The following WNT2B variants were observed in gnomAD, a reference collection of about 807,000 sequenced individuals.
WNT2B encodes Wnt family member 2B, also known as protein Wnt-2b.
WNT2B carries 19 observed loss-of-function variants against 40.5 expected under a neutral mutation model. The ratio of observed to expected loss-of-function variants is 0.47; its 90% CI spans 0.33 to 0.69. WNT2B has a LOEUF of 0.69. Among genes scored for constraint, WNT2B ranks in the 30% least tolerant of loss-of-function variants. WNT2B has a pLI of 0.02. For synonymous variants in WNT2B, 220 were observed against 211.9 expected, an observed-to-expected ratio of 1.04 and a Z score of -0.33; for missense variants, 467 against 556.4, an observed-to-expected ratio of 0.84 and a Z score of 1.62.
rs1010451076 is a variant in WNT2B at position 112,509,305 on chromosome 1, C to A, written c.43C>A (p.Leu15Ile). 1 of 1,559,476 alleles carries A rather than the reference C, an allele frequency of 6.4e-7. No homozygotes were observed. Among genetic ancestry groups the A allele is most frequent in the Admixed American group, 1.9e-5 (1 of 52,720 alleles). The change falls in exon 1 of 5, where the codon CTT becomes ATT. Residue 15 changes from leucine to isoleucine, a missense_variant. Leu to Ile is a conservative substitution (Grantham distance 5). Coordinates refer to ENST00000369684, the MANE Select transcript of WNT2B (RefSeq NM_024494.3). This position sits in a 1 kb window ranked among gnomAD's most constrained non-coding sequence, Gnocchi z 4.2. ...TGCGGAGGAAGCTGCGCAGCTCCCG[C>A]TTCGGCGCGCCAGCGCCCCGGTCCC... ...GGAEEAAQLP[L>I]RRASAPVPVP...
intron 1 of WNT2B, among the ~76,000 whole-genome samples, chr1:112,485,688 G>C (rs1651394244): frequency 1.3e-5 from 2 of 152,074 alleles, no homozygotes; most frequent in African/African-American, 4.8e-5. Flanking sequence ...CAAAAACTAA[G>C]CTTTGATCCA....
chr1:112,505,791 C>T (rs1412987338), upstream of WNT2B, among the ~76,000 whole-genome samples: 3 of 152,168 alleles, frequency 2.0e-5, no homozygotes, highest in Non-Finnish European at 2.9e-5. Flanking sequence ...GGATTCCTCC[C>T]GGGGAACTGG....
intron 1 of WNT2B, among the ~76,000 whole-genome samples, chr1:112,483,130 C>A (rs1651280021): frequency 1.3e-5 from 2 of 150,842 alleles, no homozygotes; most frequent in South Asian, 4.2e-4. Context: ...CTGCAGTGTG[C>A]TATGATTGCA....
chr1:112,469,185 CATCCTG>C (rs1330885087), intron 1 of WNT2B, among the ~76,000 whole-genome samples: 2 of 152,116 alleles, frequency 1.3e-5, no homozygotes, highest in Non-Finnish European at 2.9e-5. Context: ...ATACCAATAC[CATCCTG>C]ATTTGGTTAC....
chr1:112,499,888 T>G (rs1233274522), intron 1 of WNT2B, among the ~76,000 whole-genome samples: 1 of 136,790 alleles, frequency 7.3e-6, no homozygotes, highest in Admixed American at 7.6e-5. Flanking sequence ...CAGGAGTAAC[T>G]GTCTCATTGC....
At chr1:112,480,777 G>C (rs541699888) in intron 1 of WNT2B, among the ~76,000 whole-genome samples, 12 of 152,218 alleles carry the variant, frequency 7.9e-5, no homozygotes, top group Admixed American at 6.5e-4. Flanking sequence ...AAGATACTCC[G>C]AGAAAAGAAA....
At chr1:112,467,612 C>T (rs1479646579) in intron 1 of WNT2B, 4 of 778,832 alleles carry the variant, frequency 5.1e-6, no homozygotes, top group Non-Finnish European at 9.6e-6. Flanking sequence ...TGAAGCACTA[C>T]TTTATTTAAT....
At chr1:112,501,480 G>C (rs1387335745) in intron 1 of WNT2B, among the ~76,000 whole-genome samples, 1 of 152,168 alleles carries the variant, frequency 6.6e-6, no homozygotes, top group African/African-American at 2.4e-5. Flanking sequence ...TTCTGTATAG[G>C]AAATTTGTCT....
chr1:112,482,759 C>T (rs1377927622), intron 1 of WNT2B, among the ~76,000 whole-genome samples: 1 of 152,002 alleles, frequency 6.6e-6, no homozygotes, highest in African/African-American at 2.4e-5. Context: ...GACTTGTACA[C>T]TAAAATTATA....
chr1:112,513,263 T>C (rs1008865409), intron 1 of WNT2B, among the ~76,000 whole-genome samples: 1 of 152,214 alleles, frequency 6.6e-6, no homozygotes, highest in African/African-American at 2.4e-5. Context: ...TGGGTGTAAC[T>C]CTGGGCTGTG....
intron 1 of WNT2B, among the ~76,000 whole-genome samples, chr1:112,484,122 T>A (rs1651321890): frequency 8.4e-6 from 1 of 119,576 alleles, no homozygotes; most frequent in Non-Finnish European, 1.9e-5. Context: ...TAATTTTATA[T>A]AATAATTTTA....
At chr1:112,491,817 G>GGAATT (rs1651613682) in intron 1 of WNT2B, among the ~76,000 whole-genome samples, 1 of 152,124 alleles carries the variant, frequency 6.6e-6, no homozygotes, top group African/African-American at 2.4e-5. Flanking sequence ...CTTGAGCCTG[G>GGAATT]GAATTTGAGG....
intron 1 of WNT2B, among the ~76,000 whole-genome samples, chr1:112,513,369 T>C (rs1283479577): frequency 6.6e-6 from 1 of 152,240 alleles, no homozygotes; most frequent in African/African-American, 2.4e-5. Context: ...GGGATGCTGA[T>C]TCCATGGGAT....
chr1:112,479,168 C>G (rs536256554), intron 1 of WNT2B, among the ~76,000 whole-genome samples: 2 of 152,046 alleles, frequency 1.3e-5, no homozygotes, highest in Middle Eastern at 3.4e-3. Flanking sequence ...TTGCAGTGAG[C>G]TGAAATTGCA....
chr1:112,508,920 CG>C, upstream of WNT2B: 1 of 1,108,668 alleles, frequency 9.0e-7, no homozygotes, highest in African/African-American at 1.6e-5. The surrounding 1 kb of genome is among the most constrained non-coding windows in gnomAD (Gnocchi z 4.2). Context: ...GCCTCGGCCC[CG>C]CCCCGTCCCG....
intron 1 of WNT2B, among the ~76,000 whole-genome samples, chr1:112,484,616 A>T (rs866965244): frequency 2.0e-5 from 3 of 151,718 alleles, no homozygotes; most frequent in Non-Finnish European, 1.5e-5. Flanking sequence ...TTTTTAAATC[A>T]CCAAACTCCA....
chr1:112,485,775 T>G (rs1651396209), intron 1 of WNT2B, among the ~76,000 whole-genome samples: 1 of 152,164 alleles, frequency 6.6e-6, no homozygotes, highest in Non-Finnish European at 1.5e-5. Context: ...ACTGTAAAAC[T>G]TCTAGAAGAA....
upstream of WNT2B, among the ~76,000 whole-genome samples, chr1:112,506,182 ATTT>A (rs1652100709): frequency 6.6e-6 from 1 of 152,004 alleles, no homozygotes; most frequent in Non-Finnish European, 1.5e-5. Flanking sequence ...AATTTAAAAA[ATTT>A]TTTGGGTCTC....
At chr1:112,510,541 T>A (rs1652313672) in intron 1 of WNT2B, among the ~76,000 whole-genome samples, 1 of 152,136 alleles carries the variant, frequency 6.6e-6, no homozygotes, top group Non-Finnish European at 1.5e-5. Flanking sequence ...ACCCTGTGGC[T>A]TTTCTCCTCT....
Sources: gnomAD v4.1 joint callset for allele counts (sites outside exome capture counted in the v4.1 genomes callset) on GRCh38, gnomAD v4.1.1 for gene constraint, Gnocchi (gnomAD v3.1) non-coding constraint, MANE v1.5 for transcripts, NCBI Gene and HGNC (gene_info 2026-07-23, HGNC 2026-07-21) for gene names.